TLL2: variants seen among roughly 807,000 people sequenced by gnomAD.
TLL2 encodes tolloid-like protein 2.
TLL2 carries 106 observed loss-of-function variants against 123.0 expected under a neutral mutation model. That is an observed-to-expected ratio of 0.86 (90% CI 0.74 to 1.01). The LOEUF (loss-of-function observed/expected upper bound fraction) is 1.01, where lower values mean the gene tolerates loss of function less well. TLL2 is among the 50% of genes least tolerant of loss of function. The probability of loss-of-function intolerance (pLI) is 0.00; values close to 1 mark genes in which losing one functional copy is unlikely to be tolerated. For missense variants in TLL2, 1,332 were observed against 1,336.7 expected (o/e 1.00, Z 0.06); for synonymous variants, 494 against 516.8 (o/e 0.96, Z 0.60).
chr10:96,489,514 G>A (rs1564917990), intron 1 of TLL2, among the ~76,000 whole-genome samples: 4 of 152,046 alleles, frequency 2.6e-5, no homozygotes, highest in Admixed American at 6.6e-5. Context: ...GGGCAACAGA[G>A]CAAAACCTTG....
intron 1 of TLL2, among the ~76,000 whole-genome samples, chr10:96,484,516 A>G (rs951609928): frequency 4.6e-5 from 7 of 151,946 alleles, no homozygotes; most frequent in African/African-American, 1.7e-4. Context: ...GCCACAAATG[A>G]TTCATCTATA....
intron 1 of TLL2, among the ~76,000 whole-genome samples, chr10:96,482,213 G>A (rs929359784): frequency 1.3e-5 from 2 of 151,268 alleles, no homozygotes; most frequent in African/African-American, 2.4e-5. Flanking sequence ...AGCCGAGATC[G>A]CGCCACTGCA....
At chr10:96,508,145 A>G (rs1266850146) in intron 1 of TLL2, among the ~76,000 whole-genome samples, 1 of 152,152 alleles carries the variant, frequency 6.6e-6, no homozygotes, top group Non-Finnish European at 1.5e-5. Flanking sequence ...ATCTCTGCTT[A>G]AAAACCAGGA....
intron 4 of TLL2, among the ~76,000 whole-genome samples, chr10:96,431,983 A>G (rs1386111468): frequency 1.3e-5 from 2 of 152,058 alleles, no homozygotes; most frequent in Non-Finnish European, 2.9e-5. Flanking sequence ...TGGTGAGGCC[A>G]GAGCTTAGGG....
intron 1 of TLL2, among the ~76,000 whole-genome samples, chr10:96,507,736 G>A (rs986844971): frequency 6.6e-6 from 1 of 152,156 alleles, no homozygotes. Flanking sequence ...GGCTTGCCTA[G>A]GTGGCAGATT....
chr10:96,491,279 G>A (rs957504245), intron 1 of TLL2, among the ~76,000 whole-genome samples: 1 of 151,940 alleles, frequency 6.6e-6, no homozygotes, highest in Non-Finnish European at 1.5e-5. Flanking sequence ...CTACTCGGGA[G>A]GCTGAGGCAG....
At chr10:96,387,844 G>A (rs1056358086) in intron 13 of TLL2, among the ~76,000 whole-genome samples, 3 of 151,892 alleles carry the variant, frequency 2.0e-5, no homozygotes, top group South Asian at 4.2e-4. Context: ...TAACCCAAGC[G>A]CCACTGAAAA....
At position 96,379,046 on chromosome 10, in the gene TLL2, G is replaced by A. The variant is rs374882096; in HGVS notation, c.2241C>T (p.Cys747=). ...ACAGGTAGCTCCCGAAGGTGTTGAC[G>A]CACTCATGCTGACACCCGCCGTTGT... is the stretch of plus-strand genomic sequence containing the variant. The part of the protein sequence containing the change: ...AKDNGGCQHE[C]VNTFGSYLCR... Residue 747 remains cysteine (C), a synonymous_variant, in exon 17 of 21, where the codon TGC becomes TGT. Coordinates refer to ENST00000357947, the MANE Select transcript of TLL2 (RefSeq NM_012465.4). The A allele has an allele frequency of 9.9e-6, 16 of 1,614,020 alleles. No individual in the cohort carries two copies. The highest frequency in any genetic ancestry group is 6.7e-5 in the Admixed American group (4 of 60,002).
intron 2 of TLL2, among the ~76,000 whole-genome samples, chr10:96,450,527 C>T (rs2134089372): frequency 2.0e-5 from 3 of 152,296 alleles, no homozygotes; most frequent in Admixed American, 2.0e-4. Context: ...TAAGAGGAAG[C>T]CTCACCTTGT....
rs553324585 is a variant in TLL2, at chr10:96,422,653, C to A, written c.713G>T (p.Gly238Val). Residue 238 changes from glycine (G) to valine (V), a missense_variant, in exon 6 of 21, where the codon GGC becomes GTC. Physicochemically the swap from Gly to Val is moderately radical, Grantham distance 109 (BLOSUM62 -3). Transcript: ENST00000357947. ...ISIGKNCDKF[G>V]IVAHELGHVV... ...ATGGCCCAGCTCGTGAGCCACAATG[C>A]CAAACTTGTCACAGTTCTTCCCAAT... 4 of 1,614,202 alleles carry A rather than the reference C, an allele frequency of 2.5e-6. No homozygotes were observed. In the African/African-American group the frequency reaches 5.3e-5, roughly 22 times the overall value.
At position 96,476,248 on chromosome 10, in the gene TLL2, T is replaced by TG. The variant is rs1554939656; in HGVS notation, c.286+4100_286+4101insC. Among the ~76,000 whole-genome samples, 391 of 69,074 alleles carry TG rather than the reference T, an allele frequency of 5.7e-3. 45 individuals carry two copies. The highest frequency in any genetic ancestry group is 0.047 in the South Asian group (97 of 2,076). 45.3% of individuals were successfully genotyped at this position (69,074 alleles called of 152,430 possible). ...TATATATATATATATATATTTTATT[T>TG]TTGTTGTTGTTGTTGTTGTTGAGAC... is the stretch of plus-strand genomic sequence containing the variant. On this transcript the variant is annotated intron_variant, in intron 2 of 20. Coordinates refer to ENST00000357947, the MANE Select transcript of TLL2 (RefSeq NM_012465.4).
At chr10:96,404,025 C>T (rs1326755854) in intron 10 of TLL2, among the ~76,000 whole-genome samples, 1 of 146,374 alleles carries the variant, frequency 6.8e-6, no homozygotes, top group Non-Finnish European at 1.5e-5. Flanking sequence ...CTGACCTTCT[C>T]CTTATTATCA....
At chr10:96,387,215 G>A in intron 13 of TLL2, 137 bp from the exon 14 acceptor site, 4 of 1,266,030 alleles carry the variant, frequency 3.2e-6, no homozygotes. Flanking sequence ...CTCCCAAAGA[G>A]TGCCATGTCC....
intron 3 of TLL2, among the ~76,000 whole-genome samples, chr10:96,441,579 G>T (rs1846851195): frequency 6.6e-6 from 1 of 152,202 alleles, no homozygotes; most frequent in African/African-American, 2.4e-5. Flanking sequence ...AGATCAAGGG[G>T]TTTGGGGTCA....
intron 13 of TLL2, among the ~76,000 whole-genome samples, chr10:96,392,679 A>C (rs758560515): frequency 2.6e-5 from 4 of 152,220 alleles, no homozygotes; most frequent in Non-Finnish European, 4.4e-5. Context: ...TTAGAATGAC[A>C]ACCTCATAAT....
At chr10:96,401,776 C>T (rs552306705) in intron 10 of TLL2, among the ~76,000 whole-genome samples, 1 of 152,232 alleles carries the variant, frequency 6.6e-6, no homozygotes, top group Non-Finnish European at 1.5e-5. Context: ...CTCTGGGGAA[C>T]TTCAGTAACA....
chr10:96,439,932 T>C (rs1846835410), intron 3 of TLL2, among the ~76,000 whole-genome samples: 1 of 152,186 alleles, frequency 6.6e-6, no homozygotes, highest in South Asian at 2.1e-4. Context: ...GGATTTCACA[T>C]AAGAATCCAG....
intron 1 of TLL2, among the ~76,000 whole-genome samples, chr10:96,487,790 A>C (rs1326341658): frequency 6.6e-6 from 1 of 152,192 alleles, no homozygotes; most frequent in Admixed American, 6.5e-5. Context: ...GGTTCTTCCC[A>C]GTCCCGCAGC....
At chr10:96,498,764 C>T (rs1847504308) in intron 1 of TLL2, among the ~76,000 whole-genome samples, 1 of 152,140 alleles carries the variant, frequency 6.6e-6, no homozygotes, top group Non-Finnish European at 1.5e-5. Flanking sequence ...AAACCATGCC[C>T]GTGATGATTT....
Sources: gnomAD v4.1 joint callset for allele counts (sites outside exome capture counted in the v4.1 genomes callset) on GRCh38, gnomAD v4.1.1 for gene constraint, MANE v1.5 for transcripts, NCBI Gene and HGNC (gene_info 2026-07-23, HGNC 2026-07-21) for gene names.